VAT1L: variants seen among roughly 807,000 people sequenced by gnomAD.
VAT1L encodes putative NADPH-dependent quinone oxidoreductase VAT1L.
In VAT1L, 34 loss-of-function variants were observed where a neutral mutation model predicts 44.1. That is an observed-to-expected ratio of 0.77 (90% CI 0.59 to 1.03). The LOEUF is 1.03. Among genes scored for constraint, VAT1L ranks in the 50% least tolerant of loss-of-function variants. VAT1L has a pLI of 0.00. For missense variants in VAT1L, 615 were observed against 538.8 expected (o/e 1.14, Z -1.40); for synonymous variants, 253 against 202.2 (o/e 1.25, Z -2.13).
At chr16:77,800,703 G>A (rs28496886) in intron 1 of VAT1L, 22,584 of 152,128 alleles carry the variant, frequency 0.15, 1,838 homozygotes, top group Admixed American at 0.21. Flanking sequence ...TGCCTGCGCT[G>A]TGGCACATTT....
chr16:77,819,361 A>G (rs2016409611), intron 2 of VAT1L, among the ~76,000 whole-genome samples: 2 of 151,868 alleles, frequency 1.3e-5, no homozygotes, highest in South Asian at 2.1e-4. Context: ...ACTGAAGATG[A>G]TATTCTTTTC....
At chr16:77,941,659 C>T (rs555531526) in intron 7 of VAT1L, among the ~76,000 whole-genome samples, 3 of 152,232 alleles carry the variant, frequency 2.0e-5, no homozygotes, top group Non-Finnish European at 2.9e-5. Flanking sequence ...GATCTTGGCT[C>T]GCTGCAACCT....
chr16:77,955,313 C>T (rs1407574904), intron 7 of VAT1L, among the ~76,000 whole-genome samples: 2 of 152,220 alleles, frequency 1.3e-5, no homozygotes, highest in Admixed American at 6.5e-5. Flanking sequence ...GCGCTACTGA[C>T]ATCTAGTGAG....
At chr16:77,806,501 G>A (rs901313899) in intron 1 of VAT1L, among the ~76,000 whole-genome samples, 1 of 149,720 alleles carries the variant, frequency 6.7e-6, no homozygotes, top group Admixed American at 6.7e-5. Context: ...GAGCCACCAC[G>A]CCCGGCCAAG....
At chr16:77,965,840 T>C (rs891117499) in intron 7 of VAT1L, among the ~76,000 whole-genome samples, 10 of 152,182 alleles carry the variant, frequency 6.6e-5, no homozygotes, top group African/African-American at 2.4e-4. Context: ...CATTCATTCA[T>C]CCCAGAAGCT....
At chr16:77,927,610 G>A (rs1358499926) in intron 7 of VAT1L, among the ~76,000 whole-genome samples, 2 of 152,058 alleles carry the variant, frequency 1.3e-5, no homozygotes, top group African/African-American at 2.4e-5. Context: ...AGGCGCGGTA[G>A]CTTTTGCCTG....
intron 7 of VAT1L, among the ~76,000 whole-genome samples, chr16:77,955,916 T>A (rs1460187374): frequency 6.6e-6 from 1 of 152,182 alleles, no homozygotes; most frequent in African/African-American, 2.4e-5. Flanking sequence ...CAACAGTGCA[T>A]CAAGCCTGTG....
chr16:77,865,603 G>C (rs927367833), intron 4 of VAT1L, among the ~76,000 whole-genome samples: 1 of 152,190 alleles, frequency 6.6e-6, no homozygotes, highest in Admixed American at 6.5e-5. Context: ...TGAAATGCAA[G>C]GTGCTATCGA....
intron 7 of VAT1L, among the ~76,000 whole-genome samples, chr16:77,914,569 A>G (rs988416885): frequency 6.6e-6 from 1 of 152,270 alleles, no homozygotes; most frequent in Non-Finnish European, 1.5e-5. Flanking sequence ...TACACCACGT[A>G]TATTACTGAA....
chr16:77,876,358 C>T lies in VAT1L; in HGVS notation c.723-12C>T, dbSNP rs1271817813. On this transcript the variant is annotated splice_polypyrimidine_tract_variant and intron_variant, in intron 4 of 8. Coordinates refer to ENST00000302536, the MANE Select transcript of VAT1L (RefSeq NM_020927.3). ...AGGTCACAGAATTTTGCTTTGCCTT[C>T]TCACCATTTAGAATCTCTGCTGAAG... 1.2e-6 allele frequency: 2 copies of T among 1,613,466 alleles called. No individual in the cohort carries two copies. Among genetic ancestry groups the T allele is most frequent in the East Asian group, 2.2e-5 (1 of 44,882 alleles).
chr16:77,808,985 A>G (rs1207356327), intron 1 of VAT1L, among the ~76,000 whole-genome samples: 3 of 152,206 alleles, frequency 2.0e-5, no homozygotes, highest in Non-Finnish European at 4.4e-5. Context: ...ACGGCATAGT[A>G]TACAGTAGGC....
At chr16:77,977,374 G>C (rs926499763) in intron 8 of VAT1L, among the ~76,000 whole-genome samples, 2 of 152,160 alleles carry the variant, frequency 1.3e-5, no homozygotes, top group Non-Finnish European at 2.9e-5. Context: ...ACTGCTTCCT[G>C]GGATCATCTC....
At chr16:77,971,670 T>C (rs1482193608) in intron 7 of VAT1L, among the ~76,000 whole-genome samples, 180 bp from the exon 8 acceptor site, 1 of 152,154 alleles carries the variant, frequency 6.6e-6, no homozygotes, top group Admixed American at 6.5e-5. Flanking sequence ...GATCAGTGTG[T>C]GTGAATGGCC....
chr16:77,805,149 A>C (rs552558788), intron 1 of VAT1L, among the ~76,000 whole-genome samples: 28 of 152,202 alleles, frequency 1.8e-4, no homozygotes, highest in Admixed American at 2.0e-4. Flanking sequence ...CTTCAGGTGA[A>C]TCCTAAGACC....
chr16:77,789,795 T>C (rs1387862936), intron 1 of VAT1L, among the ~76,000 whole-genome samples: 1 of 152,066 alleles, frequency 6.6e-6, no homozygotes, highest in Non-Finnish European at 1.5e-5. Flanking sequence ...CTGGGGGAAC[T>C]TCTCCAGGCC....
intron 7 of VAT1L, among the ~76,000 whole-genome samples, chr16:77,889,033 C>T (rs190113318): frequency 4.6e-5 from 7 of 152,286 alleles, no homozygotes; most frequent in Non-Finnish European, 8.8e-5. Flanking sequence ...ATCAAGCCCA[C>T]GCAGCTCTTC....
chr16:77,839,462 G>T (rs1320426328), intron 3 of VAT1L, among the ~76,000 whole-genome samples: 1 of 147,736 alleles, frequency 6.8e-6, no homozygotes, highest in Non-Finnish European at 1.5e-5. Context: ...TGTGAACCTG[G>T]GAGGCAGAGC....
chr16:77,931,095 C>G (rs1372802469), intron 7 of VAT1L, among the ~76,000 whole-genome samples: 1 of 152,170 alleles, frequency 6.6e-6, no homozygotes, highest in Non-Finnish European at 1.5e-5. Flanking sequence ...GCAATTAACA[C>G]CCAGGTTATT....
chr16:77,942,529 T>A (rs1166031789), intron 7 of VAT1L, among the ~76,000 whole-genome samples: 1 of 152,074 alleles, frequency 6.6e-6, no homozygotes, highest in Non-Finnish European at 1.5e-5. Context: ...CAAATGGTAG[T>A]TCTGTTTTTA....
Sources: allele counts gnomAD v4.1 joint callset (sites outside exome capture counted in the v4.1 genomes callset), GRCh38; gene constraint gnomAD v4.1.1; transcripts MANE v1.5; gene names NCBI Gene and HGNC (gene_info 2026-07-23, HGNC 2026-07-21).